The following PCDH15 variants were observed in gnomAD, a reference collection of about 807,000 sequenced individuals.
PCDH15 encodes the protein protocadherin-15.
A neutral mutation model predicts 178.5 loss-of-function variants in PCDH15; 129 were observed. The ratio of observed to expected loss-of-function variants is 0.72; its 90% CI spans 0.63 to 0.84. The LOEUF (loss-of-function observed/expected upper bound fraction) is 0.84, where lower values mean the gene tolerates loss of function less well. PCDH15 is among the 40% of genes least tolerant of loss of function. The probability of loss-of-function intolerance (pLI) is 0.00; values close to 1 mark genes in which losing one functional copy is unlikely to be tolerated. For missense variants in PCDH15, 2,230 were observed against 2,099.9 expected, an observed-to-expected ratio of 1.06 and a Z score of -1.21; for synonymous variants, 800 against 732.0, an observed-to-expected ratio of 1.09 and a Z score of -1.50.
chr10:54,401,090 CAGAA>C (rs1951877761), intron 3 of PCDH15, among the ~76,000 whole-genome samples: 1 of 151,826 alleles, frequency 6.6e-6, no homozygotes, highest in Admixed American at 6.6e-5. Flanking sequence ...TTGTGAAAAA[CAGAA>C]AGAAAATTAT....
intron 1 of PCDH15, among the ~76,000 whole-genome samples, chr10:55,222,193 A>G (rs1477301133): frequency 1.3e-5 from 2 of 151,900 alleles, no homozygotes; most frequent in Non-Finnish European, 2.9e-5. Context: ...TTAATTTTTA[A>G]TTATTTCCCT....
At position 54,167,178 on chromosome 10, in the gene PCDH15, C is replaced by T. The variant is rs536587829; in HGVS notation, c.1591-13885G>A. Among the ~76,000 whole-genome samples the T allele has an allele frequency of 2.0e-5, 3 of 152,310 alleles. No individual in the cohort carries two copies. The South Asian group carries it at 6.2e-4, about 32-fold the overall frequency. The stretch of plus-strand genomic sequence containing the variant: ...GGACCTCCCTTGGGAGATCAATCCC[C>T]TGTCCTCCTGTTCTTTGCTCCCTGA... On this transcript the variant is annotated intron_variant, in intron 13 of 37. Transcript: ENST00000644397.
intron 3 of PCDH15, among the ~76,000 whole-genome samples, chr10:54,847,870 C>T (rs951707740): frequency 1.3e-5 from 2 of 152,086 alleles, no homozygotes; most frequent in Non-Finnish European, 2.9e-5. Context: ...AAACTGAGGA[C>T]TGCTAACCCA....
intron 1 of PCDH15, among the ~76,000 whole-genome samples, chr10:55,288,945 C>T (rs771178922): frequency 6.6e-6 from 1 of 151,348 alleles, no homozygotes; most frequent in Non-Finnish European, 1.5e-5. Flanking sequence ...TTTTGAAAAA[C>T]CACCAAATTG....
intron 2 of PCDH15, among the ~76,000 whole-genome samples, chr10:55,059,752 G>A (rs1250731170): frequency 1.3e-5 from 2 of 152,028 alleles, no homozygotes; most frequent in Non-Finnish European, 2.9e-5. Flanking sequence ...CATAATGCCT[G>A]TAAAATACTT....
At chr10:55,087,466 T>C (rs927048717) in intron 2 of PCDH15, among the ~76,000 whole-genome samples, 1 of 152,208 alleles carries the variant, frequency 6.6e-6, no homozygotes, top group African/African-American at 2.4e-5. Flanking sequence ...TGACAGGTGC[T>C]ATTTTTGGTA....
chr10:54,421,881 TATACAC>T (rs1565231630), intron 3 of PCDH15, among the ~76,000 whole-genome samples: 5 of 69,668 alleles, frequency 7.2e-5, no homozygotes, highest in African/African-American at 3.3e-4. Context: ...TATATATATA[TATACAC>T]ACACACACTA....
chr10:54,181,737 TA>T (rs768522784), intron 13 of PCDH15, among the ~76,000 whole-genome samples: 1 of 152,156 alleles, frequency 6.6e-6, no homozygotes, highest in East Asian at 1.9e-4. Flanking sequence ...ACCAATATAT[TA>T]AAAAATTTAC....
At chr10:55,121,360 G>C (rs867384807) in intron 2 of PCDH15, among the ~76,000 whole-genome samples, 3 of 87,198 alleles carry the variant, frequency 3.4e-5, no homozygotes. Context: ...CTCAGAGCTG[G>C]GGGGGGGCAA....
chr10:53,979,977 G>A (rs1031100181), intron 21 of PCDH15, among the ~76,000 whole-genome samples: 3 of 152,152 alleles, frequency 2.0e-5, no homozygotes, highest in East Asian at 3.9e-4. Flanking sequence ...CCAGCACTTC[G>A]GGAGGCCGAG....
chr10:54,820,159 C>T (rs1953014406), intron 3 of PCDH15, among the ~76,000 whole-genome samples: 1 of 151,952 alleles, frequency 6.6e-6, no homozygotes. Context: ...AAACTTACCA[C>T]ACCCATCTGA....
chr10:54,522,287 A>T (rs1469816332), intron 3 of PCDH15, among the ~76,000 whole-genome samples: 5 of 152,156 alleles, frequency 3.3e-5, no homozygotes, highest in Non-Finnish European at 5.9e-5. Flanking sequence ...AAAAAGTCAA[A>T]AACATTTTTG....
chr10:55,460,048 A>G (rs1839639160), intron 2 of PCDH15, among the ~76,000 whole-genome samples: 1 of 152,006 alleles, frequency 6.6e-6, no homozygotes, highest in Non-Finnish European at 1.5e-5. Context: ...ACCCCACAGA[A>G]CAAAAGTGAT....
At chr10:53,861,769 C>G (rs1293313858) in intron 27 of PCDH15, among the ~76,000 whole-genome samples, 1 of 152,024 alleles carries the variant, frequency 6.6e-6, no homozygotes, top group Non-Finnish European at 1.5e-5. Flanking sequence ...CTCCGTGTGA[C>G]CTAGCCATGT....
intron 2 of PCDH15, among the ~76,000 whole-genome samples, chr10:55,429,481 T>G (rs1037596399): frequency 1.3e-5 from 2 of 152,160 alleles, no homozygotes; most frequent in African/African-American, 4.8e-5. Flanking sequence ...CTACAAAATG[T>G]GTCTTTTTTG....
At position 53,883,462 on chromosome 10, in the gene PCDH15, T is replaced by C. The variant is rs563680095; in HGVS notation, c.3502-16605A>G. The stretch of plus-strand genomic sequence containing the variant: ...TTCTTATTCGTTAAATCTTTGTTTT[T>C]ACAAATCCCTGTGCTAAGGGCTGAT... On this transcript the variant is annotated intron_variant, in intron 26 of 37. Coordinates refer to ENST00000644397, the MANE Select transcript of PCDH15 (RefSeq NM_001384140.1). Among the ~76,000 whole-genome samples, 23 of 152,286 alleles carry C rather than the reference T, an allele frequency of 1.5e-4. No homozygotes were observed. In the East Asian group the frequency reaches 3.7e-3, roughly 24 times the overall value.
chr10:55,307,917 T>C (rs1030958650), intron 1 of PCDH15, among the ~76,000 whole-genome samples: 23 of 152,100 alleles, frequency 1.5e-4, no homozygotes, highest in African/African-American at 5.5e-4. Context: ...GTTTATAATT[T>C]GCTCTTTTTG....
chr10:53,812,269 G>A (rs907443260), intron 35 of PCDH15, among the ~76,000 whole-genome samples: 2 of 152,122 alleles, frequency 1.3e-5, no homozygotes, highest in Admixed American at 6.5e-5. Context: ...GTGCAGTGGC[G>A]TGATCTTGGC....
At chr10:54,592,039 C>A (rs1011830643) in intron 2 of PCDH15, among the ~76,000 whole-genome samples, 1 of 152,032 alleles carries the variant, frequency 6.6e-6, no homozygotes, top group Non-Finnish European at 1.5e-5. Flanking sequence ...TTGAGGCTAT[C>A]CCAAGGAGAA....
Sources: allele counts gnomAD v4.1 joint callset (sites outside exome capture counted in the v4.1 genomes callset), GRCh38; gene constraint gnomAD v4.1.1; transcripts MANE v1.5; gene names NCBI Gene and HGNC (gene_info 2026-07-23, HGNC 2026-07-21).